Variants in PTPRD observed in about 807,000 individuals in gnomAD.
PTPRD encodes protein tyrosine phosphatase receptor type D.
PTPRD carries 34 observed loss-of-function variants against 214.5 expected under a neutral mutation model. The ratio of observed to expected loss-of-function variants is 0.16; its 90% CI spans 0.12 to 0.21. The LOEUF is 0.21. Ranked by LOEUF, PTPRD falls within the 10% of genes least tolerant of loss-of-function variation. PTPRD has a pLI of 1.00. For synonymous variants in PTPRD, 1,128 were observed against 845.7 expected, an observed-to-expected ratio of 1.33 and a Z score of -5.79; for missense variants, 2,545 against 2,398.7, an observed-to-expected ratio of 1.06 and a Z score of -1.27.
chr9:9,958,974 T>C (rs1474061913), intron 4 of PTPRD, among the ~76,000 whole-genome samples: 5 of 152,162 alleles, frequency 3.3e-5, no homozygotes, highest in Admixed American at 2.0e-4. Flanking sequence ...AGTCTTACCA[T>C]AAAATCAAAC....
intron 10 of PTPRD, among the ~76,000 whole-genome samples, chr9:9,024,517 G>T (rs80302851): frequency 0.039 from 5,880 of 151,164 alleles, 118 homozygotes; most frequent in East Asian, 0.068. Context: ...ACTCCAAAAA[G>T]GTAATAACAT....
At chr9:10,423,068 A>G (rs892353007) in intron 2 of PTPRD, among the ~76,000 whole-genome samples, 3 of 152,220 alleles carry the variant, frequency 2.0e-5, no homozygotes, top group East Asian at 1.9e-4. Flanking sequence ...ATGTCCATCA[A>G]TGATAGACTG....
intron 2 of PTPRD, among the ~76,000 whole-genome samples, chr9:10,370,306 C>T (rs2097585250): frequency 1.3e-5 from 2 of 152,038 alleles, no homozygotes; most frequent in African/African-American, 4.8e-5. Flanking sequence ...CACAAGCAAG[C>T]CACTTAACTG....
At chr9:8,620,592 G>T (rs1006496330) in intron 14 of PTPRD, among the ~76,000 whole-genome samples, 2 of 151,964 alleles carry the variant, frequency 1.3e-5, no homozygotes, top group African/African-American at 4.8e-5. Flanking sequence ...TTTTAACCAG[G>T]TACAGTCCAG....
At chr9:8,943,227 A>G (rs547599176) in intron 11 of PTPRD, among the ~76,000 whole-genome samples, 2 of 152,250 alleles carry the variant, frequency 1.3e-5, no homozygotes, top group South Asian at 2.1e-4. Flanking sequence ...TAAAGATTCA[A>G]TCTCTATCAA....
chr9:9,817,953 A>G (rs558546304), intron 5 of PTPRD, among the ~76,000 whole-genome samples: 16 of 152,216 alleles, frequency 1.1e-4, no homozygotes, highest in Non-Finnish European at 2.1e-4. Context: ...TTTTAGGTAT[A>G]GAGTCAAAAT....
intron 14 of PTPRD, among the ~76,000 whole-genome samples, chr9:8,631,322 T>G (rs1320632848): frequency 1.3e-5 from 2 of 151,930 alleles, no homozygotes; most frequent in East Asian, 1.9e-4. Flanking sequence ...TTAAATATAT[T>G]TTGAAACCCA....
intron 11 of PTPRD, among the ~76,000 whole-genome samples, chr9:8,907,453 G>A (rs1445879963): frequency 2.0e-5 from 3 of 148,706 alleles, no homozygotes; most frequent in African/African-American, 7.4e-5. Context: ...GGGAGGCGGA[G>A]GTTGCAGTGA....
At chr9:10,494,565 T>C (rs1021282951) in intron 2 of PTPRD, among the ~76,000 whole-genome samples, 3 of 151,330 alleles carry the variant, frequency 2.0e-5, no homozygotes, top group Admixed American at 1.3e-4. Flanking sequence ...TATAATTTTT[T>C]TGTTTTGTTT....
chr9:9,133,865 T>A (rs554803172), intron 10 of PTPRD, among the ~76,000 whole-genome samples: 153 of 152,174 alleles, frequency 1.0e-3, no homozygotes, highest in Admixed American at 2.8e-3. Context: ...ACAGTCCCAA[T>A]TTACCCAGAC....
intron 5 of PTPRD, among the ~76,000 whole-genome samples, chr9:9,836,343 C>G (rs2056757899): frequency 6.6e-6 from 1 of 152,148 alleles, no homozygotes; most frequent in South Asian, 2.1e-4. Context: ...ACGATCTGCT[C>G]AGTGGATCTC....
intron 11 of PTPRD, among the ~76,000 whole-genome samples, chr9:8,981,251 A>C (rs1328260508): frequency 1.3e-5 from 2 of 152,062 alleles, no homozygotes; most frequent in Non-Finnish European, 2.9e-5. Context: ...AGCTAGTACT[A>C]CTTATTTCAC....
intron 8 of PTPRD, among the ~76,000 whole-genome samples, chr9:9,570,552 G>C (rs1008142776): frequency 6.6e-6 from 1 of 151,350 alleles, no homozygotes; most frequent in Non-Finnish European, 1.5e-5. Context: ...CTATTTCTCA[G>C]ATAAGCTCAT....
At chr9:9,694,685 A>T (rs2097338267) in intron 7 of PTPRD, among the ~76,000 whole-genome samples, 1 of 152,040 alleles carries the variant, frequency 6.6e-6, no homozygotes, top group Non-Finnish European at 1.5e-5. Flanking sequence ...AAACTACCAC[A>T]CCAAGTCCTT....
chr9:9,939,219 G>T (rs957123767), intron 4 of PTPRD, among the ~76,000 whole-genome samples: 1 of 152,104 alleles, frequency 6.6e-6, no homozygotes, highest in Non-Finnish European at 1.5e-5. Flanking sequence ...TAGGCTTGAC[G>T]AAAACCATAG....
At chr9:9,168,159 T>G (rs956647357) in intron 10 of PTPRD, among the ~76,000 whole-genome samples, 2 of 152,186 alleles carry the variant, frequency 1.3e-5, no homozygotes, top group Admixed American at 1.3e-4. Context: ...GTTCTTTTCT[T>G]GCTAAAATGG....
chr9:10,530,684 T>C lies in PTPRD; in HGVS notation c.-600+81714A>G, dbSNP rs1048816569. Among the ~76,000 whole-genome samples the C allele has an allele frequency of 1.1e-4, 17 of 152,148 alleles. 1 individual carries two copies. The highest frequency in any genetic ancestry group is 9.8e-4 in the Admixed American group (15 of 15,264). On this transcript the variant is annotated intron_variant, in intron 2 of 45. Transcript: ENST00000381196. Reference sequence around the variant, plus strand: ...AATCATAATGATAATAAGAGCCAGATTAAAAGAACTCTCACAGGCTTAATT... The same window carrying C: ...AATCATAATGATAATAAGAGCCAGACTAAAAGAACTCTCACAGGCTTAATT...
chr9:8,791,594 C>G (rs2096240565), intron 11 of PTPRD, among the ~76,000 whole-genome samples: 1 of 138,866 alleles, frequency 7.2e-6, no homozygotes, highest in Non-Finnish European at 1.5e-5. Context: ...GTGGGGCGAT[C>G]TCGGCTCACT....
intron 4 of PTPRD, among the ~76,000 whole-genome samples, chr9:9,993,135 T>A (rs1261914283): frequency 6.6e-6 from 1 of 152,192 alleles, no homozygotes; most frequent in East Asian, 1.9e-4. Context: ...GTATAATCAC[T>A]AGTATGAGTT....
Sources: gnomAD v4.1 joint callset for allele counts (sites outside exome capture counted in the v4.1 genomes callset) on GRCh38, gnomAD v4.1.1 for gene constraint, MANE v1.5 for transcripts, NCBI Gene and HGNC (gene_info 2026-07-23, HGNC 2026-07-21) for gene names.